Variants in TFDP2 observed in about 807,000 individuals in gnomAD.
TFDP2 encodes the protein transcription factor Dp-2 (E2F dimerization partner 2).
In TFDP2, 17 loss-of-function variants were observed where a neutral mutation model predicts 59.3. The observed-to-expected ratio is 0.29, with a 90% CI of 0.20 to 0.43. The LOEUF (loss-of-function observed/expected upper bound fraction) is 0.43, where lower values mean the gene tolerates loss of function less well. TFDP2 is among the 20% of genes least tolerant of loss of function. TFDP2 has a pLI of 1.00. For synonymous variants in TFDP2, 180 were observed against 194.7 expected, an observed-to-expected ratio of 0.92 and a Z score of 0.63; for missense variants, 391 against 528.8, an observed-to-expected ratio of 0.74 and a Z score of 2.56.
chr3:142,107,440 G>A (rs1201237773), intron 1 of TFDP2, among the ~76,000 whole-genome samples: 1 of 151,726 alleles, frequency 6.6e-6, no homozygotes, highest in Non-Finnish European at 1.5e-5. Flanking sequence ...TACCATGTTG[G>A]CCACGCTGGT....
At chr3:142,108,215 CT>C (rs571958978) in intron 1 of TFDP2, among the ~76,000 whole-genome samples, 267 of 145,196 alleles carry the variant, frequency 1.8e-3, no homozygotes, top group African/African-American at 3.8e-3. Flanking sequence ...TTGCCTTTCT[CT>C]TTTTTTTTTT....
intron 3 of TFDP2, among the ~76,000 whole-genome samples, chr3:142,020,542 AAAAG>A (rs1945508575): frequency 1.3e-5 from 2 of 151,296 alleles, no homozygotes; most frequent in African/African-American, 2.4e-5. Context: ...CTCGGGGGGG[AAAAG>A]AAAGAAAGAA....
chr3:142,076,142 C>T (rs1334707739), intron 3 of TFDP2, among the ~76,000 whole-genome samples: 1 of 146,846 alleles, frequency 6.8e-6, no homozygotes, highest in Admixed American at 6.9e-5. Context: ...ACCCAGGAGG[C>T]AGAGGTTGCA....
intron 3 of TFDP2, among the ~76,000 whole-genome samples, chr3:142,034,999 C>T (rs532974925): frequency 1.3e-5 from 2 of 152,198 alleles, no homozygotes; most frequent in Non-Finnish European, 2.9e-5. Flanking sequence ...AGCCACCACA[C>T]CCAGCCTTCT....
chr3:142,101,374 A>AAT (rs2061314875), intron 2 of TFDP2, among the ~76,000 whole-genome samples: 2 of 151,024 alleles, frequency 1.3e-5, no homozygotes, highest in Non-Finnish European at 3.0e-5. Context: ...AAAAAAAAAA[A>AAT]TAAGCCAAAG....
chr3:141,973,123 A>ATATATATATATT, intron 8 of TFDP2, among the ~76,000 whole-genome samples: 45 of 58,004 alleles, frequency 7.8e-4, no homozygotes, highest in African/African-American at 2.7e-3. Context: ...ATATATATAT[A>ATATATATATATT]TTTTTTTTTT....
Position 142,067,409 on chromosome 3 carries a change from A to AATAT in TFDP2, c.82+25648_82+25651dup, listed in dbSNP as rs149996397. 1.1e-3 allele frequency among the ~76,000 whole-genome samples: 163 copies of AATAT among 149,542 alleles called. 1 individual carries two copies. Among genetic ancestry groups the AATAT allele is most frequent in the African/African-American group, 3.7e-3 (150 of 40,914 alleles). ...GAAATACTTAGGTATAAATCCAATA[A>AATAT]ATATATATATATATATAAGATCTCT... On this transcript the variant is annotated intron_variant, in intron 3 of 12. Coordinates refer to ENST00000489671, the MANE Select transcript of TFDP2 (RefSeq NM_001178139.2).
At position 141,968,585 on chromosome 3, in the gene TFDP2, C is replaced by T. The variant is rs1403187675; in HGVS notation, c.732+1488G>A. 6.9e-5 allele frequency among the ~76,000 whole-genome samples: 5 copies of T among 72,562 alleles called. 1 individual carries two copies. Among genetic ancestry groups the T allele is most frequent in the African/African-American group, 1.1e-4 (2 of 18,732 alleles). The allele number at this position is 72,562 out of a possible 152,430, so 47.6% of individuals were successfully genotyped here. A position where few individuals can be genotyped will look rare whatever the true frequency, so the allele number is the denominator to read the frequency against. Reference sequence around the variant, plus strand: ...ATAGATATATATAACATATATATCTCATATATAGATATATATAACATATAT... The same window carrying T: ...ATAGATATATATAACATATATATCTTATATATAGATATATATAACATATAT... On this transcript the variant is annotated intron_variant, in intron 9 of 12. Transcript: ENST00000489671.
At chr3:142,004,036 T>A (rs9942075) in intron 4 of TFDP2, among the ~76,000 whole-genome samples, 59,472 of 152,068 alleles carry the variant, frequency 0.39, 13,238 homozygotes, top group African/African-American at 0.63. Context: ...TGCAGATTTT[T>A]AAGTCAGGTG....
At position 142,121,262 on chromosome 3, in the gene TFDP2, T is replaced by C. The variant is rs1448372774; in HGVS notation, c.-92-19421A>G. On this transcript the variant is annotated intron_variant, in intron 1 of 12. Transcript: ENST00000489671. This position sits in a 1 kb window ranked among gnomAD's most constrained non-coding sequence, Gnocchi z 4.3. ...GTCAATGCCCATCATGTACCCAGCA[T>C]TGTGCTCTACCCAAGAGACATAACG... 1.3e-5 allele frequency among the ~76,000 whole-genome samples: 2 copies of C among 152,194 alleles called. No individual in the cohort carries two copies. The highest frequency in any genetic ancestry group is 2.9e-5 in the Non-Finnish European group (2 of 68,034).
intron 1 of TFDP2, among the ~76,000 whole-genome samples, chr3:142,134,210 G>A (rs1048061977): frequency 8.6e-5 from 13 of 151,630 alleles, no homozygotes; most frequent in African/African-American, 2.9e-4. Context: ...TTAGCTGGGC[G>A]TGGTGGCACA....
chr3:142,018,246 A>T (rs1302350153), intron 3 of TFDP2, among the ~76,000 whole-genome samples: 1 of 152,088 alleles, frequency 6.6e-6, no homozygotes, highest in Non-Finnish European at 1.5e-5. Flanking sequence ...ACCAGGCCTC[A>T]ATGTTTATTT....
intron 3 of TFDP2, among the ~76,000 whole-genome samples, chr3:142,048,848 G>C: frequency 6.6e-6 from 1 of 152,306 alleles, no homozygotes; most frequent in Admixed American, 6.5e-5. Context: ...TTACAGGCAT[G>C]AGCCACTGTG....
At chr3:142,086,319 T>A (rs1364214937) in intron 3 of TFDP2, among the ~76,000 whole-genome samples, 2 of 152,154 alleles carry the variant, frequency 1.3e-5, no homozygotes, top group Non-Finnish European at 1.5e-5. Context: ...TCGCATCAGA[T>A]CCCACTGGTT....
chr3:142,075,607 G>A lies in TFDP2; in HGVS notation c.82+17454C>T, dbSNP rs1187654282. ...TGAGATACTTTTAAAAAAATATATT[G>A]TATCCAGGCCACACATGGTGTCTCA... On this transcript the variant is annotated intron_variant, in intron 3 of 12. Transcript: ENST00000489671. 7.2e-5 allele frequency among the ~76,000 whole-genome samples: 11 copies of A among 151,906 alleles called. No individual in the cohort carries two copies. The East Asian group carries it at 1.7e-3, about 24-fold the overall frequency.
At chr3:142,028,816 T>A (rs1946280167) in intron 3 of TFDP2, 1 of 642,030 alleles carries the variant, frequency 1.6e-6, no homozygotes. Flanking sequence ...AATTGAAAAG[T>A]GCAGGTCTTA....
At chr3:142,063,469 A>G (rs1192850349) in intron 3 of TFDP2, among the ~76,000 whole-genome samples, 1 of 152,252 alleles carries the variant, frequency 6.6e-6, no homozygotes, top group Non-Finnish European at 1.5e-5. Flanking sequence ...GCAAAACTAC[A>G]GACTTCAGTG....
intron 11 of TFDP2, among the ~76,000 whole-genome samples, chr3:141,959,276 T>C (rs1937069403): frequency 6.6e-6 from 1 of 152,118 alleles, no homozygotes; most frequent in African/African-American, 2.4e-5. Flanking sequence ...TACTTTCTTT[T>C]GTAAATTGCC....
At chr3:142,122,941 A>G (rs1262769002) in intron 1 of TFDP2, among the ~76,000 whole-genome samples, 1 of 152,134 alleles carries the variant, frequency 6.6e-6, no homozygotes, top group Non-Finnish European at 1.5e-5. Context: ...TAACACATTC[A>G]GTATGATTAC....
Sources: gnomAD v4.1 joint callset for allele counts (sites outside exome capture counted in the v4.1 genomes callset) on GRCh38, gnomAD v4.1.1 for gene constraint, Gnocchi (gnomAD v3.1) non-coding constraint, MANE v1.5 for transcripts, NCBI Gene and HGNC (gene_info 2026-07-23, HGNC 2026-07-21) for gene names.